Variants in MAPK10 observed in about 807,000 individuals in gnomAD.
The protein encoded by MAPK10 is JNK3 alpha protein kinase.
A neutral mutation model predicts 59.3 loss-of-function variants in MAPK10; 25 were observed. That is an observed-to-expected ratio of 0.42 (90% confidence interval 0.31 to 0.59). MAPK10 has a LOEUF of 0.59. Ranked by LOEUF, MAPK10 falls within the 20% of genes least tolerant of loss-of-function variation. The pLI is 0.15. For synonymous variants in MAPK10, 190 were observed against 200.5 expected, an observed-to-expected ratio of 0.95 and a Z score of 0.44; for missense variants, 351 against 568.9, an observed-to-expected ratio of 0.62 and a Z score of 3.90.
chr4:86,254,871 G>A (rs982025905), intron 2 of MAPK10, among the ~76,000 whole-genome samples: 16 of 151,990 alleles, frequency 1.1e-4, no homozygotes, highest in African/African-American at 3.4e-4. Flanking sequence ...ATAAAAATTG[G>A]GGTTTTTGTA....
At chr4:86,378,372 G>C (rs958336411) in intron 1 of MAPK10, among the ~76,000 whole-genome samples, 1 of 152,100 alleles carries the variant, frequency 6.6e-6, no homozygotes, top group Non-Finnish European at 1.5e-5. Context: ...TCACACTTCA[G>C]TTCATTCGGA....
intron 2 of MAPK10, among the ~76,000 whole-genome samples, chr4:86,274,109 G>C (rs1045516046): frequency 2.6e-5 from 4 of 151,932 alleles, no homozygotes; most frequent in African/African-American, 7.2e-5. Context: ...AGCTGAAAAT[G>C]TTTAAGTTAT....
chr4:86,485,269 C>T (rs1753901198), intron 1 of MAPK10, among the ~76,000 whole-genome samples: 1 of 152,174 alleles, frequency 6.6e-6, no homozygotes, highest in African/African-American at 2.4e-5. Flanking sequence ...TCCTCTTACA[C>T]TTTCTTATAT....
rs966111086 is a variant in MAPK10, at chr4:86,068,107, A to G, written c.803-152T>C. ...AATGAAAATATAAAATCAGACTTGCAGGCTATGAGTCTTCTTGAAATTTTA... is the reference window on the plus strand; with the variant it reads ...AATGAAAATATAAAATCAGACTTGCGGGCTATGAGTCTTCTTGAAATTTTA... On this transcript the variant is annotated intron_variant, in intron 9 of 13. Coordinates refer to ENST00000641462, the MANE Select transcript of MAPK10 (RefSeq NM_138982.4). 7 of 504,050 alleles carry G rather than the reference A, an allele frequency of 1.4e-5. No homozygotes were observed. The Admixed American group carries it at 2.1e-4, about 15-fold the overall frequency. The allele number at this position is 504,050 out of a possible 1,614,324, so 31.2% of individuals were successfully genotyped here. A position where few individuals can be genotyped will look rare whatever the true frequency, so the allele number is the denominator to read the frequency against.
intron 2 of MAPK10, among the ~76,000 whole-genome samples, chr4:86,322,743 C>G (rs1293689760): frequency 2.0e-5 from 3 of 152,060 alleles, no homozygotes; most frequent in Non-Finnish European, 4.4e-5. Context: ...AGATGTAAAC[C>G]CCATTCTCTT....
At position 86,197,691 on chromosome 4, in the gene MAPK10, G is replaced by C. The variant is rs544340305; in HGVS notation, c.-6-3284C>G. Among the ~76,000 whole-genome samples, 415 of 152,240 alleles carry C rather than the reference G, an allele frequency of 2.7e-3. 3 individuals are homozygous for C. The highest frequency in any genetic ancestry group is 9.7e-3 in the African/African-American group (403 of 41,552). On this transcript the variant is annotated intron_variant, in intron 2 of 13. Transcript: ENST00000641462. ...GGAGGAAGCAAAATAATCTGAGAGG[G>C]AAGGTCTGAATTGCAAGGAAAAATG... is the stretch of plus-strand genomic sequence containing the variant.
At chr4:86,503,679 AGCCAT>A (rs2149080391) in intron 1 of MAPK10, among the ~76,000 whole-genome samples, 1 of 152,266 alleles carries the variant, frequency 6.6e-6, no homozygotes, top group South Asian at 2.1e-4. Context: ...TTTCACAAAC[AGCCAT>A]GGTAATTATT....
chr4:86,479,039 A>C (rs1258236346), intron 1 of MAPK10, among the ~76,000 whole-genome samples: 1 of 152,150 alleles, frequency 6.6e-6, no homozygotes, highest in Non-Finnish European at 1.5e-5. Context: ...ACATGCCCTG[A>C]GTCAGGAAAC....
intron 1 of MAPK10, among the ~76,000 whole-genome samples, chr4:86,412,799 A>G (rs1303217773): frequency 6.6e-6 from 1 of 152,174 alleles, no homozygotes; most frequent in African/African-American, 2.4e-5. Context: ...TTAGTCATTC[A>G]TCTAACCTTT....
intron 13 of MAPK10, chr4:86,024,544 T>C (rs1341081858): frequency 6.6e-6 from 1 of 152,246 alleles, no homozygotes; most frequent in Non-Finnish European, 1.5e-5. Flanking sequence ...TGCTTCTTTT[T>C]ACTGCTTTCA....
intron 13 of MAPK10, among the ~76,000 whole-genome samples, chr4:86,019,253 A>G (rs577042340): frequency 1.3e-5 from 2 of 152,064 alleles, no homozygotes; most frequent in South Asian, 4.2e-4. Context: ...TTTAATATGT[A>G]TTTTTTTGGG....
intron 11 of MAPK10, among the ~76,000 whole-genome samples, chr4:86,049,592 A>C (rs2043140007): frequency 6.6e-6 from 1 of 152,110 alleles, no homozygotes; most frequent in Non-Finnish European, 1.5e-5. Flanking sequence ...AATTACCTCC[A>C]TAAGCTTTAA....
intron 1 of MAPK10, among the ~76,000 whole-genome samples, chr4:86,450,022 A>G (rs1750520220): frequency 6.6e-6 from 1 of 152,212 alleles, no homozygotes; most frequent in East Asian, 1.9e-4. Flanking sequence ...TGATCCTTTG[A>G]TGTAATCTTG....
intron 10 of MAPK10, 82 bp from the exon 11 acceptor site, chr4:86,064,472 A>G: frequency 2.2e-6 from 3 of 1,344,522 alleles, no homozygotes; most frequent in African/African-American, 1.4e-5. Flanking sequence ...TTAAGAAAAC[A>G]AAGTATGGAA....
At chr4:86,346,757 T>C (rs969944183) in intron 2 of MAPK10, among the ~76,000 whole-genome samples, 5 of 142,854 alleles carry the variant, frequency 3.5e-5, no homozygotes, top group Admixed American at 7.1e-5. Context: ...AAAAAACACA[T>C]CTAAGTGGAC....
intron 4 of MAPK10, among the ~76,000 whole-genome samples, chr4:86,107,972 A>G (rs1406548532): frequency 6.6e-6 from 1 of 152,134 alleles, no homozygotes; most frequent in Non-Finnish European, 1.5e-5. Context: ...AGCTGTGACT[A>G]CAGCCACATA....
chr4:86,443,751 A>G (rs1041583707), intron 1 of MAPK10, among the ~76,000 whole-genome samples: 10 of 152,228 alleles, frequency 6.6e-5, no homozygotes, highest in African/African-American at 2.4e-4. Context: ...CAGAAAGCAC[A>G]GTTGGAAGAG....
intron 2 of MAPK10, among the ~76,000 whole-genome samples, chr4:86,233,485 ACC>A (rs2091865658): frequency 6.6e-6 from 1 of 152,038 alleles, no homozygotes; most frequent in African/African-American, 2.4e-5. Context: ...CCAGGCATTA[ACC>A]TCCCTCCCCC....
intron 2 of MAPK10, among the ~76,000 whole-genome samples, chr4:86,245,423 C>T (rs942295006): frequency 6.6e-6 from 1 of 152,026 alleles, no homozygotes; most frequent in African/African-American, 2.4e-5. Flanking sequence ...GTGATCCTCC[C>T]ACCTTAGCCT....
Sources: gnomAD v4.1 joint callset for allele counts (sites outside exome capture counted in the v4.1 genomes callset) on GRCh38, gnomAD v4.1.1 for gene constraint, MANE v1.5 for transcripts, NCBI Gene and HGNC (gene_info 2026-07-23, HGNC 2026-07-21) for gene names.